SAMSN1: variants seen among roughly 807,000 people sequenced by gnomAD.
SAMSN1 encodes SAM domain, SH3 domain and nuclear localization signals 1.
Under a neutral mutation model 42.0 loss-of-function variants are expected in SAMSN1, and 31 were observed. The ratio of observed to expected loss-of-function variants is 0.74; its 90% confidence interval spans 0.55 to 1.00. The LOEUF (loss-of-function observed/expected upper bound fraction) is 1.00, where lower values mean the gene tolerates loss of function less well. SAMSN1 is among the 50% of genes least tolerant of loss of function. The probability of loss-of-function intolerance (pLI) is 0.00; values close to 1 mark genes in which losing one functional copy is unlikely to be tolerated. For missense variants in SAMSN1, 464 were observed against 439.4 expected, an observed-to-expected ratio of 1.06 and a Z score of -0.50; for synonymous variants, 178 against 151.9, an observed-to-expected ratio of 1.17 and a Z score of -1.26.
At chr21:14,520,746 G>A (rs1600889067) in intron 2 of SAMSN1, among the ~76,000 whole-genome samples, 2 of 152,138 alleles carry the variant, frequency 1.3e-5, no homozygotes, top group South Asian at 4.1e-4. Context: ...GGAAGGGGAC[G>A]GAGCTATGGG....
chr21:14,498,284 A>G (rs905251927), intron 7 of SAMSN1, among the ~76,000 whole-genome samples, 158 bp downstream of exon 7: 9 of 152,366 alleles, frequency 5.9e-5, no homozygotes, highest in African/African-American at 2.2e-4. Flanking sequence ...ATATTTGACC[A>G]GAGTTATTGT....
chr21:14,626,657 G>T (rs1409917161), intron 2 of SAMSN1, among the ~76,000 whole-genome samples: 2 of 152,198 alleles, frequency 1.3e-5, no homozygotes, highest in African/African-American at 4.8e-5. Flanking sequence ...GGAGAAATAG[G>T]AACACTTTTA....
chr21:14,615,923 T>A, intron 3 of SAMSN1: 1 of 444,864 alleles, frequency 2.2e-6, no homozygotes, highest in Non-Finnish European at 4.2e-6. Context: ...AAATTCACAT[T>A]CAACATTACA....
At chr21:14,608,267 A>G (rs1294072233) in intron 5 of SAMSN1, among the ~76,000 whole-genome samples, 1 of 152,220 alleles carries the variant, frequency 6.6e-6, no homozygotes, top group Admixed American at 6.5e-5. Flanking sequence ...ATCTCCTGGT[A>G]GCATCCTCAT....
intron 2 of SAMSN1, among the ~76,000 whole-genome samples, chr21:14,637,819 G>A (rs1316469061): frequency 1.3e-5 from 2 of 152,122 alleles, no homozygotes; most frequent in Non-Finnish European, 2.9e-5. Flanking sequence ...GCTGTGCCTG[G>A]GGCCGGCTTA....
chr21:14,617,070 A>G (rs919343837), intron 2 of SAMSN1, among the ~76,000 whole-genome samples: 1 of 152,202 alleles, frequency 6.6e-6, no homozygotes, highest in Non-Finnish European at 1.5e-5. Flanking sequence ...ACACACTGAA[A>G]CAGTCAGTCC....
At chr21:14,552,762 G>C (rs1295393745) in intron 2 of SAMSN1, among the ~76,000 whole-genome samples, 1 of 152,074 alleles carries the variant, frequency 6.6e-6, no homozygotes, top group Non-Finnish European at 1.5e-5. Flanking sequence ...GCTCGAGTTG[G>C]AGGTTTAGCT....
intron 2 of SAMSN1, among the ~76,000 whole-genome samples, chr21:14,577,616 T>C (rs1290221160): frequency 2.6e-5 from 4 of 152,108 alleles, no homozygotes; most frequent in Non-Finnish European, 2.9e-5. Context: ...AGATGTGCCA[T>C]GCTCTTAGCT....
upstream of SAMSN1, among the ~76,000 whole-genome samples, chr21:14,547,012 A>G (rs1451402820): frequency 2.0e-5 from 3 of 152,226 alleles, no homozygotes; most frequent in Non-Finnish European, 2.9e-5. Context: ...AAATAAACAC[A>G]GTTAGAAGAT....
chr21:14,560,824 G>A (rs775400461), intron 2 of SAMSN1, among the ~76,000 whole-genome samples: 7 of 152,108 alleles, frequency 4.6e-5, no homozygotes, highest in African/African-American at 1.4e-4. Flanking sequence ...TCAGCTCTAC[G>A]CTATTGAGCA....
intron 2 of SAMSN1, among the ~76,000 whole-genome samples, chr21:14,558,524 C>CA (rs5842489): frequency 0.075 from 11,393 of 151,690 alleles, 814 homozygotes; most frequent in African/African-American, 0.19. Flanking sequence ...ACTAAAAATA[C>CA]AAAAAAATTA....
At chr21:14,500,464 A>G (rs931433334) in intron 6 of SAMSN1, 65 bp downstream of exon 6, 7 of 1,357,002 alleles carry the variant, frequency 5.2e-6, no homozygotes, top group Non-Finnish European at 7.4e-6. Context: ...ACAAATACTG[A>G]TCCACTCCCT....
At chr21:14,531,796 A>G (rs1007671795) in intron 1 of SAMSN1, among the ~76,000 whole-genome samples, 8 of 152,206 alleles carry the variant, frequency 5.3e-5, no homozygotes, top group African/African-American at 1.9e-4. Flanking sequence ...AAATCCTTTT[A>G]ACCAAATTTC....
chr21:14,592,608 C>A (rs1434055318), intron 7 of SAMSN1: 1 of 377,048 alleles, frequency 2.7e-6, no homozygotes, highest in Non-Finnish European at 5.7e-6. Context: ...ACATAAGTAT[C>A]TTCTTTTGTT....
chr21:14,590,982 A>T (rs1405419145), intron 7 of SAMSN1, among the ~76,000 whole-genome samples: 5 of 152,208 alleles, frequency 3.3e-5, no homozygotes, highest in Non-Finnish European at 7.4e-5. Flanking sequence ...GAAAACAAAT[A>T]CATTTCACTT....
At chr21:14,576,743 A>G (rs928398755) in intron 2 of SAMSN1, among the ~76,000 whole-genome samples, 1 of 152,148 alleles carries the variant, frequency 6.6e-6, no homozygotes, top group Non-Finnish European at 1.5e-5. Flanking sequence ...CTTTAAGTAC[A>G]GCTTTGTTTA....
chr21:14,580,827 A>T (rs1049007509), intron 2 of SAMSN1, among the ~76,000 whole-genome samples: 1 of 152,200 alleles, frequency 6.6e-6, no homozygotes, highest in East Asian at 1.9e-4. Flanking sequence ...TTCTTTGAGG[A>T]AAATGGTAGA....
intron 2 of SAMSN1, among the ~76,000 whole-genome samples, chr21:14,621,754 T>A (rs1311335424): frequency 6.6e-6 from 1 of 152,202 alleles, no homozygotes; most frequent in Non-Finnish European, 1.5e-5. Flanking sequence ...AATGTCCCTG[T>A]CTGACAGCTT....
At chr21:14,617,328 T>C (rs1455914361) in intron 2 of SAMSN1, among the ~76,000 whole-genome samples, 1 of 152,180 alleles carries the variant, frequency 6.6e-6, no homozygotes, top group African/African-American at 2.4e-5. Context: ...TCAAGGTCTT[T>C]TTCTGAAATT....
Sources: gnomAD v4.1 joint callset for allele counts (sites outside exome capture counted in the v4.1 genomes callset) on GRCh38, gnomAD v4.1.1 for gene constraint, MANE v1.5 for transcripts, NCBI Gene and HGNC (gene_info 2026-07-23, HGNC 2026-07-21) for gene names.